RGS7: variants seen among roughly 807,000 people sequenced by gnomAD.
RGS7 encodes regulator of G protein signaling 7.
In RGS7, 27 loss-of-function variants were observed where a neutral mutation model predicts 81.1. That is an observed-to-expected ratio of 0.33 (90% CI 0.25 to 0.46). The LOEUF (loss-of-function observed/expected upper bound fraction) is 0.46, where lower values mean the gene tolerates loss of function less well. Among genes scored for constraint, RGS7 ranks in the 20% least tolerant of loss-of-function variants. The pLI is 1.00. For synonymous variants in RGS7, 208 were observed against 207.7 expected (o/e 1.00, Z -0.01); for missense variants, 396 against 607.4 (o/e 0.65, Z 3.66).
At chr1:240,963,148 G>A (rs1435342580) in intron 4 of RGS7, among the ~76,000 whole-genome samples, 2 of 152,114 alleles carry the variant, frequency 1.3e-5, no homozygotes, top group Admixed American at 6.6e-5. Flanking sequence ...GTGAGATAGT[G>A]GGAGTAGAGA....
chr1:241,149,419 A>G (rs1364582617), intron 2 of RGS7, among the ~76,000 whole-genome samples: 2 of 152,104 alleles, frequency 1.3e-5, no homozygotes, highest in African/African-American at 4.8e-5. Flanking sequence ...GACCTCCCAA[A>G]GTGCTGGGAT....
intron 9 of RGS7, among the ~76,000 whole-genome samples, chr1:240,845,445 A>T (rs747921358): frequency 6.6e-6 from 1 of 152,234 alleles, no homozygotes; most frequent in Non-Finnish European, 1.5e-5. Flanking sequence ...TCCTGGTGCG[A>T]TATAATATCC....
At position 240,973,838 on chromosome 1, in the gene RGS7, C is replaced by G. The variant is rs190782074; in HGVS notation, c.226+9241G>C. On this transcript the variant is annotated intron_variant, in intron 4 of 18. Transcript: ENST00000440928. The stretch of plus-strand genomic sequence containing the variant: ...CTTGTGATCCATCCGCCTCGGCCTC[C>G]CAAAGTGCTGGGATTACAGGCGTGA... Among the ~76,000 whole-genome samples the G allele has an allele frequency of 1.8e-3, 268 of 152,220 alleles. 1 individual carries two copies. The highest frequency in any genetic ancestry group is 6.3e-3 in the African/African-American group (260 of 41,548).
rs10926429 is a variant in RGS7, at chr1:241,194,306, A to G, written c.79-95544T>C. ...CACATCCCATATTCTACAGCTTGCT[A>G]CCTCTGGGCACCAATGGACATTCAA... On this transcript the variant is annotated intron_variant, in intron 2 of 18. Transcript: ENST00000440928. Among the ~76,000 whole-genome samples, 1,402 of 152,302 alleles carry G rather than the reference A, an allele frequency of 9.2e-3. 13 individuals carry two copies. The highest frequency in any genetic ancestry group is 0.032 in the African/African-American group (1,350 of 41,574).
At chr1:241,233,841 A>G in intron 2 of RGS7, among the ~76,000 whole-genome samples, 1 of 151,156 alleles carries the variant, frequency 6.6e-6, no homozygotes, top group Non-Finnish European at 1.5e-5. Context: ...ACTGTTTTCC[A>G]CAGTGGCTGT....
intron 16 of RGS7, 48 bp downstream of exon 16, chr1:240,802,856 A>G: frequency 8.4e-7 from 1 of 1,193,752 alleles, no homozygotes; most frequent in Non-Finnish European, 1.3e-6. Flanking sequence ...CCAAATAATT[A>G]TAACTGAGAA....
chr1:241,282,196 T>C (rs1020590866), intron 2 of RGS7, among the ~76,000 whole-genome samples: 11 of 152,222 alleles, frequency 7.2e-5, no homozygotes, highest in African/African-American at 2.7e-4. Flanking sequence ...TTCCCATCTT[T>C]ATGCCCATGC....
intron 4 of RGS7, among the ~76,000 whole-genome samples, chr1:240,958,400 G>A (rs1680795943): frequency 6.6e-6 from 1 of 152,184 alleles, no homozygotes; most frequent in Non-Finnish European, 1.5e-5. Flanking sequence ...AAGGCTGGAG[G>A]CTCTTTGCGG....
At chr1:240,820,345 T>C (rs1255945734) in intron 10 of RGS7, among the ~76,000 whole-genome samples, 1 of 152,202 alleles carries the variant, frequency 6.6e-6, no homozygotes, top group Non-Finnish European at 1.5e-5. Context: ...CACTTTTTCA[T>C]ATGCAGTGCC....
rs375916641 is a variant in RGS7, at chr1:240,945,752, G to T, written c.227-9046C>A. Among the ~76,000 whole-genome samples the T allele has an allele frequency of 1.4e-4, 22 of 152,248 alleles. 2 individuals carry two copies. The highest frequency in any genetic ancestry group is 4.6e-4 in the Admixed American group (7 of 15,294). On this transcript the variant is annotated intron_variant, in intron 4 of 18. Transcript: ENST00000440928. ...ATTGAGAAAAGTGTGTAGGACGTCA[G>T]GACTGATGTTTGCAACTTTTGAATA... is the stretch of plus-strand genomic sequence containing the variant.
rs112950850 is a variant in RGS7, at chr1:241,152,140, C to CAAAAAAAAAA, written c.79-53388_79-53379dup. On this transcript the variant is annotated intron_variant, in intron 2 of 18. Transcript: ENST00000440928. The stretch of plus-strand genomic sequence containing the variant: ...CCAATAATTCCAGCTCATTAGCAGC[C>CAAAAAAAAAA]AAAAAAAAAAAAAAAGATCTTTGGG... 3.1e-3 allele frequency among the ~76,000 whole-genome samples: 336 copies of CAAAAAAAAAA among 108,388 alleles called. 1 individual carries two copies. The highest frequency in any genetic ancestry group is 1.0e-2 in the African/African-American group (326 of 32,638). The allele number at this position is 108,388 out of a possible 152,430, so 71.1% of individuals were successfully genotyped here.
chr1:241,200,054 A>G (rs535845117), intron 2 of RGS7, among the ~76,000 whole-genome samples: 1 of 152,344 alleles, frequency 6.6e-6, no homozygotes, highest in South Asian at 2.1e-4. Context: ...TAAACGTTAG[A>G]TGAATTTTAC....
chr1:240,852,985 G>A (rs1660380665), intron 9 of RGS7, among the ~76,000 whole-genome samples: 2 of 152,140 alleles, frequency 1.3e-5, no homozygotes, highest in Non-Finnish European at 2.9e-5. Context: ...AGAACTGGTG[G>A]TGAAATATCA....
intron 4 of RGS7, among the ~76,000 whole-genome samples, chr1:240,973,902 G>C (rs180787771): frequency 2.6e-4 from 40 of 152,232 alleles, no homozygotes; most frequent in African/African-American, 9.4e-4. Context: ...TACTTTCTCA[G>C]TTCTGATGCA....
chr1:240,879,559 T>C (rs996064625), intron 6 of RGS7, among the ~76,000 whole-genome samples: 11 of 152,352 alleles, frequency 7.2e-5, no homozygotes, highest in African/African-American at 2.4e-4. Flanking sequence ...GTATTTCTTT[T>C]GTTTTCTACC....
intron 2 of RGS7, among the ~76,000 whole-genome samples, chr1:241,120,111 G>C (rs954505937): frequency 6.6e-6 from 1 of 152,050 alleles, no homozygotes; most frequent in African/African-American, 2.4e-5. Flanking sequence ...ATATTATGAG[G>C]CCCTGCCCAT....
intron 6 of RGS7, among the ~76,000 whole-genome samples, chr1:240,902,911 T>C (rs1670242843): frequency 6.6e-6 from 1 of 152,222 alleles, no homozygotes; most frequent in Admixed American, 6.5e-5. Flanking sequence ...AAATGCAACA[T>C]AGTATAATTT....
chr1:241,107,808 G>A (rs1488343511), intron 2 of RGS7, among the ~76,000 whole-genome samples: 1 of 152,126 alleles, frequency 6.6e-6, no homozygotes, highest in East Asian at 1.9e-4. Context: ...TGAATTTTGG[G>A]GCAAAAACTT....
chr1:241,010,007 G>C (rs940174473), intron 3 of RGS7, among the ~76,000 whole-genome samples: 1 of 152,074 alleles, frequency 6.6e-6, no homozygotes, highest in African/African-American at 2.4e-5. Flanking sequence ...ACACAGGGAG[G>C]GGAACATCAT....
Sources: allele counts gnomAD v4.1 joint callset (sites outside exome capture counted in the v4.1 genomes callset), GRCh38; gene constraint gnomAD v4.1.1; transcripts MANE v1.5; gene names NCBI Gene and HGNC (gene_info 2026-07-23, HGNC 2026-07-21).